Variants in GRB10 observed in about 807,000 individuals in gnomAD.
GRB10 encodes growth factor receptor-bound protein 10.
A neutral mutation model predicts 80.9 loss-of-function variants in GRB10; 20 were observed. The observed-to-expected ratio is 0.25, with a 90% CI of 0.17 to 0.36. The LOEUF (loss-of-function observed/expected upper bound fraction) is 0.36. Among genes scored for constraint, GRB10 ranks in the 10% least tolerant of loss-of-function variants. The pLI is 1.00. For synonymous variants in GRB10, 291 were observed against 291.5 expected, an observed-to-expected ratio of 1.00 and a Z score of 0.02; for missense variants, 548 against 747.7, an observed-to-expected ratio of 0.73 and a Z score of 3.12.
chr7:50,604,364 C>T lies in GRB10; in HGVS notation c.1403G>A (p.Arg468Gln). 6.2e-7 allele frequency: 1 copy of T among 1,613,112 alleles called. No individual in the cohort carries two copies. The highest frequency in any genetic ancestry group is 8.5e-7 in the Non-Finnish European group (1 of 1,179,746). ...ACTTTGGCTACCTAGGATGTTCATC[C>T]GTGTGCTTCGCTTCTGCAAAAGAAA... ...EGHAWRKRST[R>Q]MNILGSQSPL... is the part of the protein sequence containing the mutation. The change falls in exon 16 of 19, where the codon CGG becomes CAG. Residue 468 changes from arginine (R) to glutamine (Q), a missense_variant. Around this residue, in one of 4 missense-constraint regions of GRB10, gnomAD observed 270 missense variants for 433.6 expected, o/e 0.62. Transcript: ENST00000401949.
intron 5 of GRB10, among the ~76,000 whole-genome samples, chr7:50,701,366 A>T (rs1375913615): frequency 6.6e-6 from 1 of 152,128 alleles, no homozygotes; most frequent in Non-Finnish European, 1.5e-5. Context: ...AGTGGTCGAC[A>T]TGGGAGGATA....
intron 6 of GRB10, among the ~76,000 whole-genome samples, chr7:50,670,806 T>C (rs769641836): frequency 9.9e-5 from 15 of 152,218 alleles, no homozygotes; most frequent in Non-Finnish European, 8.8e-5. Flanking sequence ...AAAAAGGTTG[T>C]TGACACTGAA....
At chr7:50,762,401 A>G (rs1363208901) in intron 2 of GRB10, among the ~76,000 whole-genome samples, 1 of 151,864 alleles carries the variant, frequency 6.6e-6, no homozygotes, top group Non-Finnish European at 1.5e-5. Flanking sequence ...TTTAAAGGGA[A>G]GCCCTCACAT....
chr7:50,602,867 A>G (rs1454647147), intron 17 of GRB10, among the ~76,000 whole-genome samples: 1 of 152,198 alleles, frequency 6.6e-6, no homozygotes, highest in East Asian at 1.9e-4. Flanking sequence ...TTTGCTGGCA[A>G]AAATTTAGGA....
chr7:50,631,563 C>T (rs1008665113), intron 7 of GRB10, among the ~76,000 whole-genome samples: 6 of 152,314 alleles, frequency 3.9e-5, no homozygotes, highest in South Asian at 2.1e-4. Flanking sequence ...GGTAAATACT[C>T]GTGGTAAATG....
chr7:50,755,447 C>G (rs1007156952), intron 3 of GRB10, among the ~76,000 whole-genome samples: 6 of 152,152 alleles, frequency 3.9e-5, no homozygotes, highest in Non-Finnish European at 1.5e-5. Context: ...AGCAACAAGG[C>G]ACAGGTCAAG....
chr7:50,696,360 G>T (rs117398400), intron 5 of GRB10, among the ~76,000 whole-genome samples: 6 of 152,158 alleles, frequency 3.9e-5, no homozygotes, highest in Non-Finnish European at 7.4e-5. Context: ...CTTTACAGAC[G>T]CCTCTTTCCA....
rs1554316306 is a variant in GRB10, at chr7:50,777,429, T to TATACACACACAC, written c.-217+3197_-217+3198insGTGTGTGTGTAT. On this transcript the variant is annotated intron_variant, in intron 2 of 18. Transcript: ENST00000401949. ...TACATTCAGACCACAGCAATCTGTA[T>TATACACACACAC]ACACACACACACACACACACACACA... 7.0e-3 allele frequency among the ~76,000 whole-genome samples: 1,030 copies of TATACACACACAC among 146,268 alleles called. 10 individuals carry two copies. The highest frequency in any genetic ancestry group is 0.025 in the African/African-American group (978 of 39,428).
intron 2 of GRB10, among the ~76,000 whole-genome samples, chr7:50,767,831 A>G (rs2076525156): frequency 1.3e-5 from 2 of 152,096 alleles, no homozygotes; most frequent in Admixed American, 6.5e-5. Context: ...TGACCCATCT[A>G]CCACTTTGCT....
intron 1 of GRB10, chr7:50,792,416 C>G: frequency 2.5e-6 from 1 of 398,446 alleles, no homozygotes; most frequent in Non-Finnish European, 4.4e-6. Flanking sequence ...CAAGAAAAGA[C>G]GCACACAATA....
chr7:50,684,332 A>ATTT (rs11370738), intron 5 of GRB10, among the ~76,000 whole-genome samples: 10,404 of 141,888 alleles, frequency 0.073, 518 homozygotes, highest in South Asian at 0.099. Flanking sequence ...TTCCAGTGAG[A>ATTT]TTTTTTTTTT....
At chr7:50,714,927 C>A (rs536881363) in intron 4 of GRB10, among the ~76,000 whole-genome samples, 2 of 152,178 alleles carry the variant, frequency 1.3e-5, no homozygotes, top group Admixed American at 6.5e-5. Flanking sequence ...ACATTCTTCC[C>A]CCATGAGCAG....
chr7:50,606,702 C>A, intron 13 of GRB10: 1 of 433,184 alleles, frequency 2.3e-6, no homozygotes, highest in Non-Finnish European at 4.3e-6. Flanking sequence ...AGTTAATTAA[C>A]ATATATTTCG....
intron 5 of GRB10, among the ~76,000 whole-genome samples, chr7:50,698,966 T>A (rs1280072845): frequency 6.6e-6 from 1 of 152,240 alleles, no homozygotes. Context: ...GTTGTTTTCA[T>A]GCTCTGAAAC....
chr7:50,774,312 G>T (rs749591159), intron 2 of GRB10, among the ~76,000 whole-genome samples: 1 of 152,136 alleles, frequency 6.6e-6, no homozygotes, highest in Non-Finnish European at 1.5e-5. Flanking sequence ...TATATTAATT[G>T]AACACTATAT....
intron 17 of GRB10, among the ~76,000 whole-genome samples, chr7:50,600,815 T>C (rs2047469232): frequency 6.6e-6 from 1 of 152,218 alleles, no homozygotes; most frequent in Non-Finnish European, 1.5e-5. Flanking sequence ...GACTCTCAGA[T>C]GAAGAAGTAA....
chr7:50,640,215 C>T lies in GRB10; in HGVS notation c.505-13237G>A, dbSNP rs555277683. On this transcript the variant is annotated intron_variant, in intron 7 of 18. Coordinates refer to ENST00000401949, the MANE Select transcript of GRB10 (RefSeq NM_001350814.2). ...ACAGTCAGCTAGAGATTTCTGTTTT[C>T]ACACATGACTCCTTGTTGGGTATGG... is the stretch of plus-strand genomic sequence containing the variant. 3.9e-5 allele frequency among the ~76,000 whole-genome samples: 6 copies of T among 152,334 alleles called. No individual in the cohort carries two copies. In the South Asian group the frequency reaches 1.0e-3, roughly 26 times the overall value.
At chr7:50,790,754 A>C (rs1202901062) in intron 1 of GRB10, among the ~76,000 whole-genome samples, 3 of 152,276 alleles carry the variant, frequency 2.0e-5, no homozygotes, top group Admixed American at 6.5e-5. Context: ...GCCACCTTTA[A>C]AGCATTCGGT....
chr7:50,678,046 T>A (rs1337864467), intron 5 of GRB10, among the ~76,000 whole-genome samples: 12 of 152,210 alleles, frequency 7.9e-5, no homozygotes, highest in Admixed American at 4.6e-4. Flanking sequence ...GTTATTTCTC[T>A]CTATGCATTC....
Sources: allele counts gnomAD v4.1 joint callset (sites outside exome capture counted in the v4.1 genomes callset), GRCh38; gene constraint gnomAD v4.1.1; regional missense constraint gnomAD v4.1.1; transcripts MANE v1.5; gene names NCBI Gene and HGNC (gene_info 2026-07-23, HGNC 2026-07-21).